The following SYNE1 variants were observed in gnomAD, a reference collection of about 807,000 sequenced individuals.
SYNE1 encodes spectrin repeat containing nuclear envelope protein 1.
In SYNE1, 616 loss-of-function variants were observed where a neutral mutation model predicts 1,111.0. The observed-to-expected ratio is 0.55, with a 90% CI of 0.52 to 0.59. The LOEUF is 0.59. Among genes scored for constraint, SYNE1 ranks in the 20% least tolerant of loss-of-function variants. SYNE1 has a pLI of 0.00. For missense variants in SYNE1, 10,006 were observed against 10,417.0 expected (o/e 0.96, Z 1.72); for synonymous variants, 3,855 against 3,825.8 (o/e 1.01, Z -0.28).
chr6:152,577,494 A>C (rs1015021079), intron 3 of SYNE1, among the ~76,000 whole-genome samples: 1 of 152,078 alleles, frequency 6.6e-6, no homozygotes, highest in Non-Finnish European at 1.5e-5. Context: ...TTAGCCGGGC[A>C]TGGTGGCGGG....
chr6:152,621,783 C>T (rs963730804), intron 3 of SYNE1, among the ~76,000 whole-genome samples: 9 of 152,070 alleles, frequency 5.9e-5, no homozygotes, highest in African/African-American at 2.2e-4. Context: ...GTGATGTGAA[C>T]AAGTAATATA....
intron 16 of SYNE1, among the ~76,000 whole-genome samples, chr6:152,467,105 A>G (rs1564249994): frequency 1.2e-4 from 18 of 152,144 alleles, no homozygotes; most frequent in Admixed American, 1.1e-3. Flanking sequence ...AATTGTATCT[A>G]TAACATATTT....
intron 66 of SYNE1, among the ~76,000 whole-genome samples, chr6:152,356,573 C>T (rs894032143): frequency 2.7e-5 from 4 of 149,736 alleles, no homozygotes; most frequent in African/African-American, 9.8e-5. Context: ...TATATATGTT[C>T]TATGACCCAA....
At chr6:152,140,262 G>T in intron 139 of SYNE1, 101 bp from the exon 140 acceptor site, 1 of 1,177,962 alleles carries the variant, frequency 8.5e-7, no homozygotes, top group Non-Finnish European at 1.3e-6. Context: ...AATAGCAACA[G>T]AAAGAAAAGT....
intron 56 of SYNE1, among the ~76,000 whole-genome samples, chr6:152,379,857 A>G (rs1267014677): frequency 6.6e-6 from 1 of 152,230 alleles, no homozygotes; most frequent in African/African-American, 2.4e-5. Context: ...AATGTAATCT[A>G]GGCACAGCCA....
intron 73 of SYNE1, among the ~76,000 whole-genome samples, chr6:152,346,839 A>G (rs1293837469): frequency 1.3e-5 from 2 of 151,010 alleles, no homozygotes; most frequent in African/African-American, 2.4e-5. Flanking sequence ...AAAAAAACCA[A>G]TATCTGAAAT....
At chr6:152,632,252 G>A (rs913350845) in intron 2 of SYNE1, among the ~76,000 whole-genome samples, 2 of 152,058 alleles carry the variant, frequency 1.3e-5, no homozygotes. Context: ...ATTGAATCAA[G>A]TTCATAATAC....
At chr6:152,149,416 A>T in intron 136 of SYNE1, 61 bp downstream of exon 136, 2 of 1,603,270 alleles carry the variant, frequency 1.2e-6, no homozygotes, top group Non-Finnish European at 1.7e-6. Flanking sequence ...AATACAACCC[A>T]ATCCCACACG....
At position 152,310,395 on chromosome 6, in the gene SYNE1, C is replaced by G; in HGVS notation, c.17019+1G>C. 1 of 1,614,132 alleles carries G rather than the reference C, an allele frequency of 6.2e-7. No homozygotes were observed. Among genetic ancestry groups the G allele is most frequent in the Non-Finnish European group, 8.5e-7 (1 of 1,180,024 alleles). Reference sequence around the variant, plus strand: ...ATTTACTCCAAGTTAGTTTGGCTTACCTGCCGATGAGAGAGCTGCTCCTTG... The same window carrying G: ...ATTTACTCCAAGTTAGTTTGGCTTAGCTGCCGATGAGAGAGCTGCTCCTTG... On this transcript the variant is annotated splice_donor_variant, in intron 89 of 145. Transcript: ENST00000367255. LOFTEE classifies it high-confidence loss of function.
chr6:152,237,920 T>C (rs886364574), intron 108 of SYNE1, among the ~76,000 whole-genome samples: 7 of 152,138 alleles, frequency 4.6e-5, no homozygotes, highest in Non-Finnish European at 1.0e-4. Flanking sequence ...CACTGTGCAG[T>C]TGGAGTGGCA....
chr6:152,416,927 T>G lies in SYNE1; in HGVS notation c.5510A>C (p.Glu1837Ala). The change falls in exon 41 of 146, where the codon GAG becomes GCG. Residue 1837 changes from glutamate to alanine, a missense_variant. Physicochemically the swap from Glu to Ala is moderately radical, Grantham distance 107. Around this residue, in one of 7 missense-constraint regions of SYNE1, gnomAD observed 4,955 missense variants for 5,017.2 expected, o/e 0.99. Transcript: ENST00000367255. ...LAKLGSLGRAEDLHLLQGKAE... is the reference protein window; with the variant it reads ...LAKLGSLGRAADLHLLQGKAE... ...CTTTCCCTGCAGGAGGTGGAGGTCC[T>G]CAGCACGGCCCAGAGAACCCAACTT... The G allele has an allele frequency of 6.2e-7, 1 of 1,614,142 alleles. No individual in the cohort carries two copies. Among genetic ancestry groups the G allele is most frequent in the Non-Finnish European group, 8.5e-7 (1 of 1,180,016 alleles).
chr6:152,548,984 AT>A (rs1221301397), intron 3 of SYNE1, among the ~76,000 whole-genome samples: 1 of 152,328 alleles, frequency 6.6e-6, no homozygotes, highest in East Asian at 1.9e-4. Context: ...AAAGCAGTTT[AT>A]ATTAGAAGAT....
At chr6:152,582,567 T>A (rs2099523975) in intron 3 of SYNE1, among the ~76,000 whole-genome samples, 1 of 151,428 alleles carries the variant, frequency 6.6e-6, no homozygotes, top group Non-Finnish European at 1.5e-5. Context: ...TTTACATATA[T>A]ATAAATAAAT....
intron 54 of SYNE1, among the ~76,000 whole-genome samples, chr6:152,386,246 C>A (rs1396368841): frequency 6.6e-6 from 1 of 151,908 alleles, no homozygotes; most frequent in African/African-American, 2.4e-5. Context: ...GAGGAAGATA[C>A]TATTATTATT....
chr6:152,419,247 T>C (rs2098216367), intron 40 of SYNE1, among the ~76,000 whole-genome samples: 1 of 152,202 alleles, frequency 6.6e-6, no homozygotes, highest in South Asian at 2.1e-4. Context: ...CAGTATTAGT[T>C]TTCAGTTTTG....
intron 42 of SYNE1, among the ~76,000 whole-genome samples, chr6:152,412,292 C>T (rs1047849072): frequency 5.3e-5 from 8 of 151,886 alleles, no homozygotes; most frequent in Non-Finnish European, 1.2e-4. Context: ...GGTGTGGTGG[C>T]GGGCACCTGC....
intron 30 of SYNE1, among the ~76,000 whole-genome samples, chr6:152,442,740 G>A (rs2098543362): frequency 6.6e-6 from 1 of 152,158 alleles, no homozygotes; most frequent in South Asian, 2.1e-4. Context: ...GGGGCCAAAA[G>A]CTTGGAACAG....
chr6:152,245,889 G>A (rs1448750770), intron 105 of SYNE1, among the ~76,000 whole-genome samples: 3 of 152,260 alleles, frequency 2.0e-5, no homozygotes, highest in African/African-American at 7.2e-5. Flanking sequence ...AGGTAAAACA[G>A]ACAGAGGGGC....
At chr6:152,374,923 T>TTATTG (rs2097254423) in intron 58 of SYNE1, among the ~76,000 whole-genome samples, 3 of 98,892 alleles carry the variant, frequency 3.0e-5, no homozygotes, top group African/African-American at 6.0e-5. Flanking sequence ...TTTTAGTTTA[T>TTATTG]TATTTTATTT....
Sources: allele counts gnomAD v4.1 joint callset (sites outside exome capture counted in the v4.1 genomes callset), GRCh38; gene constraint gnomAD v4.1.1; regional missense constraint gnomAD v4.1.1; transcripts MANE v1.5; gene names NCBI Gene and HGNC (gene_info 2026-07-23, HGNC 2026-07-21).